PAMR1: variants seen among roughly 807,000 people sequenced by gnomAD.
PAMR1 encodes peptidase domain containing associated with muscle regeneration 1.
A neutral mutation model predicts 81.8 loss-of-function variants in PAMR1; 88 were observed. The observed-to-expected ratio is 1.08, with a 90% CI of 0.91 to 1.28. The LOEUF (loss-of-function observed/expected upper bound fraction) is 1.28, where lower values mean the gene tolerates loss of function less well. Ranked by LOEUF, PAMR1 falls within the 50% of genes most tolerant of loss-of-function variation. The pLI is 0.00. For synonymous variants in PAMR1, 336 were observed against 345.3 expected, an observed-to-expected ratio of 0.97 and a Z score of 0.30; for missense variants, 935 against 919.7, an observed-to-expected ratio of 1.02 and a Z score of -0.21.
At chr11:35,440,719 T>G (rs1856147104) in intron 7 of PAMR1, among the ~76,000 whole-genome samples, 1 of 152,208 alleles carries the variant, frequency 6.6e-6, no homozygotes, top group African/African-American at 2.4e-5. Context: ...TATTCCACTT[T>G]TCTGTCCAAC....
chr11:35,496,246 C>G (rs991803718), intron 1 of PAMR1, among the ~76,000 whole-genome samples: 23 of 152,046 alleles, frequency 1.5e-4, no homozygotes, highest in Non-Finnish European at 3.2e-4. Context: ...AAAGCAGGAG[C>G]AACAAAATAA....
In PAMR1 at chr11:35,432,279, G is replaced by T. The variant is rs1855922858; in HGVS notation, c.*77C>A. On this transcript the variant is annotated 3_prime_UTR_variant, in exon 11 of 11. Coordinates refer to ENST00000619888, the MANE Select transcript of PAMR1 (RefSeq NM_001001991.3). ...GTTCACAGGCCAAATCACACTTCAG[G>T]CCCACACTGCTTCACGCAATGACAC... 1.5e-6 allele frequency: 2 copies of T among 1,375,928 alleles called. No individual in the cohort carries two copies. Among genetic ancestry groups the T allele is most frequent in the Non-Finnish European group, 2.0e-6 (2 of 996,378 alleles). 85.2% of individuals were successfully genotyped at this position (1,375,928 alleles called of 1,614,324 possible). A position where few individuals can be genotyped will look rare whatever the true frequency, so the allele number is the denominator to read the frequency against.
rs1407218032 is a variant in PAMR1 at position 35,439,633 on chromosome 11, T to C, written c.1094A>G (p.Gln365Arg). The C allele has an allele frequency of 6.2e-7, 1 of 1,613,598 alleles. No individual in the cohort carries two copies. Among genetic ancestry groups the C allele is most frequent in the Admixed American group, 1.7e-5 (1 of 60,024 alleles). Residue 365 changes from glutamine (Q) to arginine (R), a missense_variant, in exon 8 of 11, where the codon CAG becomes CGG. Gln to Arg is a conservative substitution (Grantham distance 43). Coordinates refer to ENST00000619888, the MANE Select transcript of PAMR1 (RefSeq NM_001001991.3). ...GCAGGTGTTTTGACCTCACCTTGAC[T>C]GAACCTGCATCGGAAGAACTCTCCT... is the stretch of plus-strand genomic sequence containing the variant. ...VRRRVLPMQV[Q>R]SRETPLHQLY... is the part of the protein sequence containing the mutation.
In PAMR1 at chr11:35,451,994, A is replaced by G. The variant is rs1056127292; in HGVS notation, c.821-10301T>C. ...CACCCAGTCTATGGTATTCTCTTGT[A>G]GCAGCCCAAACTGACTAAGACAGAA... On this transcript the variant is annotated intron_variant, in intron 6 of 10. Transcript: ENST00000619888. The G allele has an allele frequency of 1.6e-5, 10 of 619,980 alleles. No homozygotes were observed. In the East Asian group the frequency reaches 2.4e-4, roughly 15 times the overall value. The allele number at this position is 619,980 out of a possible 1,614,324, so 38.4% of individuals were successfully genotyped here.
At chr11:35,461,826 G>A (rs1280893064) in intron 6 of PAMR1, among the ~76,000 whole-genome samples, 1 of 152,082 alleles carries the variant, frequency 6.6e-6, no homozygotes, top group African/African-American at 2.4e-5. Context: ...AGAAGACAGT[G>A]GCCCACTAGC....
chr11:35,525,602 G>T lies in PAMR1; in HGVS notation c.-17C>A, dbSNP rs765587198. On this transcript the variant is annotated 5_prime_UTR_variant, in exon 1 of 11. Coordinates refer to ENST00000619888, the MANE Select transcript of PAMR1 (RefSeq NM_001001991.3). ...CAGCTCCATCCTTGCCGCGGCTGGTGCCCGAGCGTCTACTGGGGAGGGAGA... is the reference window on the plus strand; with the variant it reads ...CAGCTCCATCCTTGCCGCGGCTGGTTCCCGAGCGTCTACTGGGGAGGGAGA... 27 of 1,612,500 alleles carry T rather than the reference G, an allele frequency of 1.7e-5. No homozygotes were observed. Among genetic ancestry groups the T allele is most frequent in the Non-Finnish European group, 2.2e-5 (26 of 1,179,198 alleles).
At chr11:35,482,669 G>T (rs895530926) in intron 3 of PAMR1, among the ~76,000 whole-genome samples, 17 of 152,132 alleles carry the variant, frequency 1.1e-4, no homozygotes, top group African/African-American at 3.6e-4. Context: ...TATCCATGAG[G>T]ATGGAATGTT....
upstream of PAMR1, chr11:35,525,755 C>A: frequency 1.6e-6 from 1 of 626,582 alleles, no homozygotes; most frequent in Non-Finnish European, 2.8e-6. Flanking sequence ...CACCTTCAGC[C>A]AGAGCGACGT....
chr11:35,440,870 A>C (rs959979170), intron 7 of PAMR1, among the ~76,000 whole-genome samples: 2 of 152,028 alleles, frequency 1.3e-5, no homozygotes, highest in African/African-American at 4.8e-5. Context: ...CACATCTACA[A>C]ATCCTCTCCA....
At chr11:35,526,642 G>A (rs907375071), upstream of PAMR1, among the ~76,000 whole-genome samples, 1 of 152,206 alleles carries the variant, frequency 6.6e-6, no homozygotes, top group Non-Finnish European at 1.5e-5. Context: ...AGTTAGTGAG[G>A]GGCAGAGCCA....
intron 9 of PAMR1, 151 bp from the exon 10 acceptor site, chr11:35,434,955 T>A: frequency 1.4e-6 from 1 of 718,696 alleles, no homozygotes; most frequent in Non-Finnish European, 2.2e-6. Context: ...CTTCTGCATT[T>A]AAATATTAAT....
chr11:35,477,093 T>C (rs1013931078), intron 3 of PAMR1, among the ~76,000 whole-genome samples: 2 of 152,332 alleles, frequency 1.3e-5, no homozygotes, highest in African/African-American at 2.4e-5. Flanking sequence ...TTCCTTGCTA[T>C]CCAGCTAAAA....
chr11:35,512,560 C>T (rs1156770986), intron 1 of PAMR1, among the ~76,000 whole-genome samples: 1 of 152,154 alleles, frequency 6.6e-6, no homozygotes. Flanking sequence ...AATGAGGCTG[C>T]CCAAATTTGA....
chr11:35,438,682 T>C (rs950702078), intron 8 of PAMR1, among the ~76,000 whole-genome samples: 2 of 152,172 alleles, frequency 1.3e-5, no homozygotes, highest in Non-Finnish European at 2.9e-5. Flanking sequence ...AACTTTCACA[T>C]TTTGGGGAGG....
chr11:35,454,045 T>G (rs550938284), intron 6 of PAMR1, among the ~76,000 whole-genome samples: 3 of 152,354 alleles, frequency 2.0e-5, no homozygotes, highest in South Asian at 2.1e-4. Context: ...TTTTGTTTTT[T>G]TTCCTCCAGG....
At chr11:35,476,648 C>T (rs190963195) in intron 3 of PAMR1, among the ~76,000 whole-genome samples, 15 of 152,294 alleles carry the variant, frequency 9.8e-5, no homozygotes, top group African/African-American at 3.6e-4. Context: ...AATACACCCG[C>T]CATTCACCCT....
intron 1 of PAMR1, among the ~76,000 whole-genome samples, chr11:35,509,225 A>C (rs988216444): frequency 1.2e-4 from 19 of 152,212 alleles, no homozygotes; most frequent in African/African-American, 4.6e-4. Context: ...CCCCCGAAAA[A>C]TGAATGTGTA....
At chr11:35,453,771 T>C (rs1856469401) in intron 6 of PAMR1, among the ~76,000 whole-genome samples, 1 of 152,224 alleles carries the variant, frequency 6.6e-6, no homozygotes, top group Non-Finnish European at 1.5e-5. Flanking sequence ...TGGGTTTTTT[T>C]TGGTGCAAAG....
chr11:35,439,606 G>C (rs1223672611), intron 8 of PAMR1, 21 bp downstream of exon 8: 8 of 1,589,520 alleles, frequency 5.0e-6, no homozygotes, highest in African/African-American at 1.3e-5. Flanking sequence ...TCAGGGCAGA[G>C]TGCAGGTGTT....
Sources: gnomAD v4.1 joint callset for allele counts (sites outside exome capture counted in the v4.1 genomes callset) on GRCh38, gnomAD v4.1.1 for gene constraint, MANE v1.5 for transcripts, NCBI Gene and HGNC (gene_info 2026-07-23, HGNC 2026-07-21) for gene names.